CNTN5: variants seen among roughly 807,000 people sequenced by gnomAD.
The protein encoded by CNTN5 is contactin 5.
CNTN5 carries 77 observed loss-of-function variants against 129.1 expected under a neutral mutation model. That is an observed-to-expected ratio of 0.60 (90% CI 0.50 to 0.72). The LOEUF (loss-of-function observed/expected upper bound fraction) is 0.72. Among genes scored for constraint, CNTN5 ranks in the 30% least tolerant of loss-of-function variants. The pLI is 0.00. For missense variants in CNTN5, 1,478 were observed against 1,328.8 expected (o/e 1.11, Z -1.75); for synonymous variants, 509 against 465.6 (o/e 1.09, Z -1.20).
intron 1 of CNTN5, among the ~76,000 whole-genome samples, chr11:99,115,487 G>A (rs576583252): frequency 3.9e-4 from 60 of 152,266 alleles, no homozygotes; most frequent in Non-Finnish European, 7.8e-4. Context: ...GGCCGGGTGC[G>A]GTGGCTCATG....
chr11:99,209,901 C>T (rs1007006095), intron 1 of CNTN5, among the ~76,000 whole-genome samples: 11 of 152,038 alleles, frequency 7.2e-5, no homozygotes, highest in African/African-American at 2.2e-4. Flanking sequence ...ATATTTTACA[C>T]GTAGACAGAG....
intron 1 of CNTN5, among the ~76,000 whole-genome samples, chr11:99,290,602 G>T (rs941060798): frequency 6.6e-6 from 1 of 151,816 alleles, no homozygotes. Context: ...TAGGGAAGAA[G>T]TGCATTACTT....
At chr11:100,021,822 T>C (rs1941167488) in intron 9 of CNTN5, among the ~76,000 whole-genome samples, 1 of 152,174 alleles carries the variant, frequency 6.6e-6, no homozygotes, top group Non-Finnish European at 1.5e-5. Context: ...CTTTAGTGTG[T>C]GGCCAAAGGC....
At chr11:99,948,006 A>G (rs1326964599) in intron 7 of CNTN5, among the ~76,000 whole-genome samples, 1 of 152,200 alleles carries the variant, frequency 6.6e-6, no homozygotes, top group Admixed American at 6.6e-5. Flanking sequence ...AAAAGGTAAT[A>G]TTTTACTAAG....
chr11:99,444,008 G>A (rs945098913), intron 2 of CNTN5, among the ~76,000 whole-genome samples: 31 of 152,078 alleles, frequency 2.0e-4, no homozygotes, highest in Non-Finnish European at 2.9e-5. Flanking sequence ...GACCAGCCTG[G>A]CCAACATGGT....
intron 2 of CNTN5, among the ~76,000 whole-genome samples, chr11:99,493,757 G>T (rs905438663): frequency 6.6e-6 from 1 of 152,136 alleles, no homozygotes; most frequent in African/African-American, 2.4e-5. Flanking sequence ...TTGAGCAAAC[G>T]ATTGGTCCAT....
At chr11:99,367,702 A>G (rs1939539269) in intron 2 of CNTN5, among the ~76,000 whole-genome samples, 1 of 152,154 alleles carries the variant, frequency 6.6e-6, no homozygotes, top group African/African-American at 2.4e-5. Flanking sequence ...AAAACTTCAG[A>G]GTGTACCTGA....
At chr11:99,885,095 C>T (rs1163747280) in intron 6 of CNTN5, among the ~76,000 whole-genome samples, 1 of 152,118 alleles carries the variant, frequency 6.6e-6, no homozygotes, top group East Asian at 1.9e-4. Flanking sequence ...CCAGCCTGTG[C>T]AACATGGCAC....
At chr11:99,935,832 C>A (rs1387137764) in intron 7 of CNTN5, among the ~76,000 whole-genome samples, 1 of 152,056 alleles carries the variant, frequency 6.6e-6, no homozygotes, top group South Asian at 2.1e-4. Flanking sequence ...AACCAATGAA[C>A]TTTAAGTTGC....
At chr11:99,670,080 T>C (rs1565409625) in intron 3 of CNTN5, among the ~76,000 whole-genome samples, 1 of 152,190 alleles carries the variant, frequency 6.6e-6, no homozygotes, top group South Asian at 2.1e-4. Context: ...TCTTTGGTTC[T>C]TATTATTCTA....
At chr11:99,461,848 A>G (rs957761286) in intron 2 of CNTN5, among the ~76,000 whole-genome samples, 1 of 152,206 alleles carries the variant, frequency 6.6e-6, no homozygotes, top group African/African-American at 2.4e-5. Context: ...TTTAAAATAG[A>G]ATTGTGTTAC....
At chr11:99,705,472 TA>T (rs1954714604) in intron 3 of CNTN5, among the ~76,000 whole-genome samples, 4 of 151,610 alleles carry the variant, frequency 2.6e-5, no homozygotes, top group African/African-American at 9.6e-5. Flanking sequence ...TGATTGTGTG[TA>T]TACTCAAATT....
intron 1 of CNTN5, among the ~76,000 whole-genome samples, chr11:99,311,606 C>T (rs1315835631): frequency 6.6e-6 from 1 of 152,144 alleles, no homozygotes; most frequent in East Asian, 1.9e-4. Context: ...ACCAAATGCT[C>T]TTACTTTGAC....
intron 7 of CNTN5, among the ~76,000 whole-genome samples, chr11:99,930,193 T>TC (rs1203170947): frequency 6.6e-6 from 1 of 151,926 alleles, no homozygotes; most frequent in East Asian, 1.9e-4. Flanking sequence ...CCAATCTAGC[T>TC]CCCCCAGAGG....
In CNTN5 at chr11:99,727,630, TAC is replaced by T. The variant is rs540548615; in HGVS notation, c.56-91910_56-91909del. Among the ~76,000 whole-genome samples, 469 of 152,070 alleles carry T rather than the reference TAC, an allele frequency of 3.1e-3. 3 individuals are homozygous for T. Among genetic ancestry groups the T allele is most frequent in the African/African-American group, 0.01 (420 of 41,462 alleles). Reference sequence around the variant, plus strand: ...AAAAAATCAATTAAGGGAAGGAAATTACACATTTTTCAAACCTCCCACCAGAA... The same window carrying T: ...AAAAAATCAATTAAGGGAAGGAAATTACATTTTTCAAACCTCCCACCAGAA... On this transcript the variant is annotated intron_variant, in intron 3 of 24. Transcript: ENST00000524871.
chr11:99,928,436 C>T (rs1179689200), intron 7 of CNTN5, among the ~76,000 whole-genome samples: 1 of 152,218 alleles, frequency 6.6e-6, no homozygotes, highest in Non-Finnish European at 1.5e-5. Flanking sequence ...CAGCAAGCTT[C>T]TGCCTGGACA....
At chr11:99,737,272 T>C (rs550784911) in intron 3 of CNTN5, among the ~76,000 whole-genome samples, 3 of 152,228 alleles carry the variant, frequency 2.0e-5, no homozygotes, top group Admixed American at 1.3e-4. Flanking sequence ...AAATAACTTA[T>C]CATATTCTTC....
chr11:99,660,990 C>A (rs953639713), intron 3 of CNTN5, among the ~76,000 whole-genome samples: 3 of 151,944 alleles, frequency 2.0e-5, no homozygotes, highest in Admixed American at 2.0e-4. Flanking sequence ...TTCTTGTATT[C>A]TTCCTTGGCA....
At chr11:100,282,345 T>C (rs923042097) in intron 18 of CNTN5, among the ~76,000 whole-genome samples, 1 of 152,228 alleles carries the variant, frequency 6.6e-6, no homozygotes, top group East Asian at 1.9e-4. Context: ...CTAGTAGAGG[T>C]ACTGCCTTGA....
Sources: gnomAD v4.1 joint callset for allele counts (sites outside exome capture counted in the v4.1 genomes callset) on GRCh38, gnomAD v4.1.1 for gene constraint, MANE v1.5 for transcripts, NCBI Gene and HGNC (gene_info 2026-07-23, HGNC 2026-07-21) for gene names.